Variants in NDST3 observed in about 807,000 individuals in gnomAD.
NDST3 encodes bifunctional heparan sulfate N-deacetylase/N-sulfotransferase 3.
A neutral mutation model predicts 96.1 loss-of-function variants in NDST3; 58 were observed. The observed-to-expected ratio is 0.60, with a 90% CI of 0.49 to 0.75. NDST3 has a LOEUF of 0.75. Among genes scored for constraint, NDST3 ranks in the 30% least tolerant of loss-of-function variants. The pLI is 0.00. For missense variants in NDST3, 788 were observed against 1,034.2 expected, an observed-to-expected ratio of 0.76 and a Z score of 3.27; for synonymous variants, 333 against 359.7, an observed-to-expected ratio of 0.93 and a Z score of 0.84.
intron 6 of NDST3, among the ~76,000 whole-genome samples, chr4:118,169,204 C>A (rs909477431): frequency 1.3e-5 from 2 of 151,900 alleles, no homozygotes; most frequent in African/African-American, 4.8e-5. Flanking sequence ...AATAATCAGA[C>A]AAATGCAAAC....
At chr4:118,232,649 A>G (rs757459482) in intron 8 of NDST3, among the ~76,000 whole-genome samples, 8 of 151,084 alleles carry the variant, frequency 5.3e-5, no homozygotes, top group Non-Finnish European at 7.4e-5. Context: ...AAAAGAAAGA[A>G]AGAGAGAGAA....
intron 6 of NDST3, among the ~76,000 whole-genome samples, chr4:118,151,599 G>T (rs907620122): frequency 2.0e-5 from 3 of 151,956 alleles, no homozygotes; most frequent in Non-Finnish European, 4.4e-5. Context: ...GGCAAATAGA[G>T]AAATATTGCC....
chr4:118,153,157 C>T (rs1316049902), intron 6 of NDST3, among the ~76,000 whole-genome samples: 1 of 152,200 alleles, frequency 6.6e-6, no homozygotes, highest in East Asian at 1.9e-4. Flanking sequence ...AACTGAACCT[C>T]TTTGGAGAGG....
At position 118,054,231 on chromosome 4, in the gene NDST3, C is replaced by A. The variant is rs764409327; in HGVS notation, c.321C>A (p.His107Gln). The A allele has an allele frequency of 1.9e-6, 3 of 1,612,678 alleles. No homozygotes were observed. In the Admixed American group the frequency reaches 5.0e-5, roughly 27 times the overall value. ...TAGAATCAAGTAGATTCCAGTATCA[C>A]ATTGAAATTGCCCCTGGAAAGGGAG... ...MILESSRFQYHIEIAPGKGDL... is the reference protein window; with the variant it reads ...MILESSRFQYQIEIAPGKGDL... Residue 107 changes from histidine to glutamine, a missense_variant, in exon 2 of 14, where the codon CAC becomes CAA. Transcript: ENST00000296499.
chr4:118,193,670 A>C, intron 6 of NDST3: 3 of 1,312,378 alleles, frequency 2.3e-6, no homozygotes, highest in South Asian at 2.4e-5. Context: ...AGCCTGTGCC[A>C]GTTCAAAGTC....
intron 4 of NDST3, among the ~76,000 whole-genome samples, chr4:118,137,554 C>A (rs1578708757): frequency 1.3e-5 from 2 of 152,082 alleles, no homozygotes; most frequent in African/African-American, 4.8e-5. Flanking sequence ...TACTGCTGGC[C>A]CACATGCTGA....
chr4:118,165,171 T>G (rs1319930002), intron 6 of NDST3, among the ~76,000 whole-genome samples: 1 of 152,124 alleles, frequency 6.6e-6, no homozygotes, highest in Non-Finnish European at 1.5e-5. Context: ...CCAGCTATTG[T>G]TGTCTACAGA....
intron 12 of NDST3, among the ~76,000 whole-genome samples, chr4:118,244,351 T>C (rs1741180426): frequency 1.3e-5 from 2 of 152,222 alleles, no homozygotes; most frequent in African/African-American, 4.8e-5. Flanking sequence ...ATACTGAGGA[T>C]GACTAGAGGT....
chr4:118,067,366 A>G (rs1726676897), intron 2 of NDST3, among the ~76,000 whole-genome samples: 1 of 152,122 alleles, frequency 6.6e-6, no homozygotes, highest in Admixed American at 6.6e-5. Flanking sequence ...TAAAGGAAGT[A>G]AAGGGAGAAA....
At chr4:118,233,247 C>T in intron 9 of NDST3, 112 bp downstream of exon 9, 1 of 962,006 alleles carries the variant, frequency 1.0e-6, no homozygotes, top group Non-Finnish European at 1.4e-6. Flanking sequence ...AATTTAACCT[C>T]TGTGCCTTGG....
chr4:118,230,384 G>A (rs1323794249), intron 8 of NDST3, among the ~76,000 whole-genome samples: 3 of 152,050 alleles, frequency 2.0e-5, no homozygotes, highest in African/African-American at 7.3e-5. Flanking sequence ...GACCATCCTG[G>A]CTAACACGGT....
chr4:118,240,508 C>A lies in NDST3; in HGVS notation c.2119-16C>A. 6.4e-7 allele frequency: 1 copy of A among 1,569,380 alleles called. No individual in the cohort carries two copies. ...TACGGTTCAGATTAGTTTAATTATC[C>A]ACCTTTTCATCATAGCATCAGCGAT... On this transcript the variant is annotated splice_polypyrimidine_tract_variant and intron_variant, in intron 10 of 13. Transcript: ENST00000296499.
intron 6 of NDST3, among the ~76,000 whole-genome samples, chr4:118,181,589 C>A (rs1009316626): frequency 6.6e-6 from 1 of 152,120 alleles, no homozygotes; most frequent in African/African-American, 2.4e-5. Context: ...ATAAATTATA[C>A]CCTGAATATC....
At chr4:118,198,100 A>G (rs1201745105) in intron 6 of NDST3, among the ~76,000 whole-genome samples, 1 of 151,898 alleles carries the variant, frequency 6.6e-6, no homozygotes, top group East Asian at 1.9e-4. Context: ...ACCTGGCCTC[A>G]TTGTTTTTTT....
intron 13 of NDST3, 33 bp downstream of exon 13, chr4:118,253,634 C>A: frequency 7.2e-7 from 1 of 1,387,418 alleles, no homozygotes; most frequent in South Asian, 1.3e-5. Context: ...CAAACTAAAT[C>A]AGCAAAATGG....
chr4:118,187,855 A>G (rs1348144115), intron 6 of NDST3, among the ~76,000 whole-genome samples: 1 of 152,154 alleles, frequency 6.6e-6, no homozygotes, highest in Non-Finnish European at 1.5e-5. Context: ...CAGTTGTGAG[A>G]TTATGAAGCC....
intron 6 of NDST3, among the ~76,000 whole-genome samples, chr4:118,148,785 CT>C (rs1560678888): frequency 6.6e-6 from 1 of 152,194 alleles, no homozygotes; most frequent in South Asian, 2.1e-4. Context: ...TTTTATGTTT[CT>C]TTTTTTGTTC....
intron 6 of NDST3, among the ~76,000 whole-genome samples, chr4:118,168,420 G>A (rs2125933965): frequency 6.6e-6 from 1 of 152,106 alleles, no homozygotes; most frequent in Non-Finnish European, 1.5e-5. Context: ...GTGCTAGTGA[G>A]AATGTAGAGA....
At chr4:118,162,581 C>T (rs1158727791) in intron 6 of NDST3, among the ~76,000 whole-genome samples, 2 of 151,180 alleles carry the variant, frequency 1.3e-5, no homozygotes, top group Non-Finnish European at 1.5e-5. Context: ...CTTCCTTACA[C>T]CTTATACAAA....
Sources: allele counts gnomAD v4.1 joint callset (sites outside exome capture counted in the v4.1 genomes callset), GRCh38; gene constraint gnomAD v4.1.1; transcripts MANE v1.5; gene names NCBI Gene and HGNC (gene_info 2026-07-23, HGNC 2026-07-21).